The following SLC44A5 variants were observed in gnomAD, a reference collection of about 807,000 sequenced individuals.
SLC44A5 encodes the protein solute carrier family 44 member 5, also known as choline transporter-like protein 5.
A neutral mutation model predicts 101.8 loss-of-function variants in SLC44A5; 57 were observed. That is an observed-to-expected ratio of 0.56 (90% CI 0.45 to 0.70). SLC44A5 has a LOEUF of 0.70. Among genes scored for constraint, SLC44A5 ranks in the 30% least tolerant of loss-of-function variants. SLC44A5 has a pLI of 0.00. For missense variants in SLC44A5, 737 were observed against 853.1 expected, an observed-to-expected ratio of 0.86 and a Z score of 1.70; for synonymous variants, 281 against 290.9, an observed-to-expected ratio of 0.97 and a Z score of 0.35.
At chr1:75,206,669 T>G (rs1646753982) in intron 23 of SLC44A5, 1 of 1,613,086 alleles carries the variant, frequency 6.2e-7, no homozygotes, top group African/African-American at 1.3e-5. Flanking sequence ...AGGTTAGGGG[T>G]TACGAAGTAG....
At chr1:75,374,889 G>C (rs1660472354) in intron 3 of SLC44A5, among the ~76,000 whole-genome samples, 2 of 152,150 alleles carry the variant, frequency 1.3e-5, no homozygotes. Context: ...ATTTCAAAAA[G>C]AAATACTGGC....
At chr1:75,634,753 G>T in the SLC44A5 span, among the ~76,000 whole-genome samples, 1 of 151,636 alleles carries the variant, frequency 6.6e-6, no homozygotes, top group Admixed American at 6.6e-5. Context: ...ATAGGCATGG[G>T]CAAGGACTTC....
the SLC44A5 span, chr1:75,641,474 C>T: frequency 7.1e-7 from 1 of 1,414,774 alleles, no homozygotes; most frequent in Non-Finnish European, 1.0e-6. Flanking sequence ...ACTTCCACTG[C>T]CAGCAGAAGT....
chr1:75,335,703 T>C (rs904998562), intron 4 of SLC44A5, among the ~76,000 whole-genome samples: 16 of 152,192 alleles, frequency 1.1e-4, no homozygotes, highest in Admixed American at 1.0e-3. Context: ...GCCTTACAGG[T>C]CTCATTATGG....
chr1:75,457,419 A>G (rs1255739212), intron 2 of SLC44A5, among the ~76,000 whole-genome samples: 2 of 152,230 alleles, frequency 1.3e-5, no homozygotes, highest in Non-Finnish European at 2.9e-5. Context: ...CAAAAGGAAG[A>G]CATGCTTAAG....
Position 75,512,697 on chromosome 1 carries a change from A to G in SLC44A5, c.13+28738T>C, listed in dbSNP as rs541016966. On this transcript the variant is annotated intron_variant, in intron 2 of 23. Transcript: ENST00000370859. Reference sequence around the variant, plus strand: ...GTGATCATAAGAGTATATTGGAGGTAATACACGTAGTACCCATTGTAATGG... The same window carrying G: ...GTGATCATAAGAGTATATTGGAGGTGATACACGTAGTACCCATTGTAATGG... Among the ~76,000 whole-genome samples the G allele has an allele frequency of 3.7e-4, 56 of 152,308 alleles. 1 individual carries two copies. The highest frequency in any genetic ancestry group is 1.3e-3 in the African/African-American group (52 of 41,576).
intron 2 of SLC44A5, among the ~76,000 whole-genome samples, chr1:75,527,738 T>C (rs913879070): frequency 6.6e-6 from 1 of 152,194 alleles, no homozygotes; most frequent in African/African-American, 2.4e-5. Context: ...AATCATTTAA[T>C]TTTACTTTTT....
the SLC44A5 span, among the ~76,000 whole-genome samples, chr1:75,675,159 G>T: frequency 6.6e-6 from 1 of 152,188 alleles, no homozygotes; most frequent in Non-Finnish European, 1.5e-5. Flanking sequence ...AATGTCAACA[G>T]TAGTTTAATA....
chr1:75,371,713 T>G (rs1259424786), intron 3 of SLC44A5, among the ~76,000 whole-genome samples: 1 of 152,210 alleles, frequency 6.6e-6, no homozygotes, highest in Non-Finnish European at 1.5e-5. Context: ...TACTTTAGAC[T>G]AACCTACGAA....
intron 2 of SLC44A5, among the ~76,000 whole-genome samples, chr1:75,460,925 A>G (rs1187875628): frequency 6.6e-6 from 1 of 152,170 alleles, no homozygotes; most frequent in East Asian, 1.9e-4. Flanking sequence ...CCATTCTTAC[A>G]TAATTCATCT....
intron 2 of SLC44A5, among the ~76,000 whole-genome samples, chr1:75,411,659 A>T (rs184607796): frequency 4.3e-4 from 65 of 152,194 alleles, no homozygotes; most frequent in African/African-American, 1.4e-3. Flanking sequence ...ATGATCCTCA[A>T]TGAAAAATAA....
intron 7 of SLC44A5, among the ~76,000 whole-genome samples, chr1:75,249,623 C>T (rs1375463728): frequency 6.6e-6 from 1 of 152,146 alleles, no homozygotes; most frequent in Non-Finnish European, 1.5e-5. Flanking sequence ...CCAGAAACTG[C>T]TGTGTATTTA....
chr1:75,634,559 G>A, the SLC44A5 span, among the ~76,000 whole-genome samples: 1 of 151,272 alleles, frequency 6.6e-6, no homozygotes. Flanking sequence ...ACAAGCAATG[G>A]GGAAAGGATT....
chr1:75,483,481 G>T (rs2101785948), intron 2 of SLC44A5, among the ~76,000 whole-genome samples: 1 of 152,268 alleles, frequency 6.6e-6, no homozygotes, highest in East Asian at 1.9e-4. Flanking sequence ...TAGAAAATAT[G>T]TTAAGGAAAA....
At chr1:75,529,757 A>C (rs889355787) in intron 2 of SLC44A5, among the ~76,000 whole-genome samples, 19 of 152,190 alleles carry the variant, frequency 1.2e-4, no homozygotes. Flanking sequence ...GATAGAGAAA[A>C]GTGGCTCAAA....
chr1:75,689,406 G>A, the SLC44A5 span, among the ~76,000 whole-genome samples: 1 of 152,134 alleles, frequency 6.6e-6, no homozygotes, highest in African/African-American at 2.4e-5. Flanking sequence ...AGTGAAAGGA[G>A]GCTGTCTTAA....
chr1:75,596,012 T>A (rs1674609271), intron 1 of SLC44A5, among the ~76,000 whole-genome samples: 1 of 152,196 alleles, frequency 6.6e-6, no homozygotes, highest in Non-Finnish European at 1.5e-5. Flanking sequence ...TCTAACATCA[T>A]TCAAAAAGAA....
At chr1:75,607,596 G>GT (rs1222368682) in intron 1 of SLC44A5, among the ~76,000 whole-genome samples, 5 of 152,110 alleles carry the variant, frequency 3.3e-5, no homozygotes, top group African/African-American at 1.2e-4. Flanking sequence ...ATCTTGAATT[G>GT]TAACTCCCAT....
chr1:75,659,714 G>T, the SLC44A5 span, among the ~76,000 whole-genome samples: 6 of 150,926 alleles, frequency 4.0e-5, no homozygotes, highest in Admixed American at 2.0e-4. Flanking sequence ...TAGGAGGATT[G>T]CTTGAGCCTG....
Sources: allele counts gnomAD v4.1 joint callset (sites outside exome capture counted in the v4.1 genomes callset), GRCh38; gene constraint gnomAD v4.1.1; transcripts MANE v1.5; gene names NCBI Gene and HGNC (gene_info 2026-07-23, HGNC 2026-07-21).